VPS13A: variants seen among roughly 807,000 people sequenced by gnomAD.
VPS13A encodes the protein intermembrane lipid transfer protein VPS13A.
VPS13A carries 264 observed loss-of-function variants against 390.9 expected under a neutral mutation model. The ratio of observed to expected loss-of-function variants is 0.68; its 90% CI spans 0.61 to 0.75. VPS13A has a LOEUF of 0.75. VPS13A is among the 30% of genes least tolerant of loss of function. The pLI is 0.00. For missense variants in VPS13A, 3,409 were observed against 3,733.9 expected (o/e 0.91, Z 2.27); for synonymous variants, 1,231 against 1,227.1 (o/e 1.00, Z -0.07).
rs555662490 is a variant in VPS13A at position 77,254,769 on chromosome 9, A to G, written c.2288+2417A>G. ...TCTTAAGTTTATTCTTTGTGATGCT[A>G]TTGTAAATGAATTTAAAAATTTTGG... On this transcript the variant is annotated intron_variant, in intron 22 of 71. Transcript: ENST00000360280. Among the ~76,000 whole-genome samples, 6 of 152,260 alleles carry G rather than the reference A, an allele frequency of 3.9e-5. No homozygotes were observed. In the South Asian group the frequency reaches 1.0e-3, roughly 26 times the overall value.
rs1301117313 is a variant in VPS13A at position 77,382,002 on chromosome 9, G to T, written c.9104G>T (p.Ser3035Ile). The change falls in exon 68 of 72, where the codon AGT (serine) becomes ATT (isoleucine). Residue 3035 changes from serine to isoleucine, a missense_variant. Physicochemically the swap from Ser to Ile is moderately radical, Grantham distance 142. Transcript: ENST00000360280. Reference protein sequence around the residue: ...KRATETSEVESLRPPRFFNED... With the variant: ...KRATETSEVEILRPPRFFNED... Reference sequence around the variant, plus strand: ...GCTACAGAGACTTCTGAAGTGGAGAGTCTGCGACCTCCTCGGTTCTTCAAT... The same window carrying T: ...GCTACAGAGACTTCTGAAGTGGAGATTCTGCGACCTCCTCGGTTCTTCAAT... The T allele has an allele frequency of 6.2e-7, 1 of 1,606,844 alleles. No homozygotes were observed. Among genetic ancestry groups the T allele is most frequent in the Admixed American group, 1.7e-5 (1 of 59,646 alleles).
Position 77,275,546 on chromosome 9 carries a change from C to G in VPS13A, c.2561C>G (p.Pro854Arg). Reference protein sequence around the residue: ...FDAPCSPLEEPLQFPTGVKSI... With the variant: ...FDAPCSPLEERLQFPTGVKSI... The stretch of plus-strand genomic sequence containing the variant: ...GCACCATGTAGTCCCTTGGAAGAAC[C>G]TCTTCAGTTTCCAACTGGAGTTAAA... The change falls in exon 25 of 72, where the codon CCT becomes CGT. Residue 854 changes from proline (P) to arginine (R), a missense_variant. This residue lies in a region of VPS13A where 2,717 missense variants were observed against 2,917.4 expected (regional missense o/e 0.93). Coordinates refer to ENST00000360280, the MANE Select transcript of VPS13A (RefSeq NM_033305.3). 6.2e-7 allele frequency: 1 copy of G among 1,613,740 alleles called. No individual in the cohort carries two copies. The highest frequency in any genetic ancestry group is 8.5e-7 in the Non-Finnish European group (1 of 1,179,788).
At chr9:77,374,950 C>G (rs1371878633) in intron 67 of VPS13A, among the ~76,000 whole-genome samples, 1 of 151,988 alleles carries the variant, frequency 6.6e-6, no homozygotes, top group Admixed American at 6.6e-5. Flanking sequence ...CCTCTTAAGC[C>G]AGTATTTCAT....
intron 31 of VPS13A, among the ~76,000 whole-genome samples, chr9:77,284,555 A>G (rs1003764315): frequency 1.3e-5 from 2 of 152,180 alleles, no homozygotes; most frequent in Admixed American, 6.5e-5. Flanking sequence ...AAAAATCATA[A>G]GTATCAGAGT....
chr9:77,324,856 G>A (rs924181408), intron 45 of VPS13A, among the ~76,000 whole-genome samples: 11 of 151,626 alleles, frequency 7.3e-5, no homozygotes, highest in Non-Finnish European at 1.0e-4. Context: ...ATCTTGCTCC[G>A]CCTCTCATTG....
At chr9:77,315,544 T>G in intron 38 of VPS13A, 74 bp downstream of exon 38, 1 of 1,370,482 alleles carries the variant, frequency 7.3e-7, no homozygotes, top group Non-Finnish European at 1.0e-6. Flanking sequence ...TGATTAGCCT[T>G]TTAGATCATC....
chr9:77,284,181 G>T (rs1827202125), intron 31 of VPS13A, among the ~76,000 whole-genome samples: 1 of 152,080 alleles, frequency 6.6e-6, no homozygotes, highest in South Asian at 2.1e-4. Context: ...AAACAGTGAG[G>T]TTCCTGCTGC....
intron 45 of VPS13A, among the ~76,000 whole-genome samples, chr9:77,331,489 A>G (rs1483435478): frequency 6.6e-6 from 1 of 151,706 alleles, no homozygotes; most frequent in Non-Finnish European, 1.5e-5. Context: ...TCATCTGTTT[A>G]TTGGTCAGTT....
rs372070622 is a variant in VPS13A, at chr9:77,370,974, A to C, written c.8953+39A>C. On this transcript the variant is annotated intron_variant, in intron 66 of 71. Transcript: ENST00000360280. ...TTCCTTTGCAAGTCTTTCTAAGTTG[A>C]TTCTGTTTTCATTCTTGGATGCAAT... 39 of 1,614,114 alleles carry C rather than the reference A, an allele frequency of 2.4e-5. No homozygotes were observed. The African/African-American group carries it at 5.1e-4, about 21-fold the overall frequency.
intron 54 of VPS13A, among the ~76,000 whole-genome samples, chr9:77,355,916 A>T (rs1831750586): frequency 6.6e-6 from 1 of 152,184 alleles, no homozygotes; most frequent in Admixed American, 6.5e-5. Flanking sequence ...TACACTAACA[A>T]GTTTTCCTGC....
At chr9:77,226,788 C>T (rs1263002833) in intron 15 of VPS13A, among the ~76,000 whole-genome samples, 190 bp downstream of exon 15, 1 of 151,900 alleles carries the variant, frequency 6.6e-6, no homozygotes, top group Non-Finnish European at 1.5e-5. Flanking sequence ...ATTTAAAAAT[C>T]ATGCTAGTGC....
At chr9:77,190,789 G>A (rs762204273) in intron 1 of VPS13A, among the ~76,000 whole-genome samples, 9 of 152,142 alleles carry the variant, frequency 5.9e-5, no homozygotes, top group Admixed American at 2.6e-4. Context: ...TTTCTTCCAG[G>A]TTCAATCTTG....
chr9:77,360,714 T>A, intron 59 of VPS13A, 73 bp downstream of exon 59: 1 of 1,158,438 alleles, frequency 8.6e-7, no homozygotes, highest in Non-Finnish European at 1.3e-6. Flanking sequence ...TTAAAGGTAT[T>A]AAAATGACTT....
chr9:77,263,821 A>G (rs1825886712), intron 23 of VPS13A, among the ~76,000 whole-genome samples: 1 of 152,184 alleles, frequency 6.6e-6, no homozygotes, highest in South Asian at 2.1e-4. Context: ...GTCTTTGCCC[A>G]TTCCTGTATC....
chr9:77,191,719 A>G (rs538105587), intron 1 of VPS13A, among the ~76,000 whole-genome samples: 7 of 152,250 alleles, frequency 4.6e-5, no homozygotes, highest in Admixed American at 1.3e-4. Context: ...ATTGTTACCT[A>G]TTTTTATTGC....
chr9:77,359,207 A>G (rs1831991534), intron 57 of VPS13A, 126 bp from the exon 58 acceptor site: 1 of 801,980 alleles, frequency 1.2e-6, no homozygotes, highest in Non-Finnish European at 2.1e-6. Flanking sequence ...TGCCAATATC[A>G]GTAATTTTAA....
chr9:77,365,987 A>G (rs906243014), intron 60 of VPS13A, among the ~76,000 whole-genome samples: 1 of 152,146 alleles, frequency 6.6e-6, no homozygotes, highest in African/African-American at 2.4e-5. Context: ...GAAAATTACT[A>G]AACAACCATA....
chr9:77,198,303 C>G (rs1825120666), intron 1 of VPS13A, among the ~76,000 whole-genome samples: 1 of 152,096 alleles, frequency 6.6e-6, no homozygotes, highest in Non-Finnish European at 1.5e-5. Context: ...TCTGAGAAGT[C>G]TCTGATTTTA....
At chr9:77,249,655 A>G (rs1825040809) in intron 20 of VPS13A, among the ~76,000 whole-genome samples, 1 of 152,242 alleles carries the variant, frequency 6.6e-6, no homozygotes. Flanking sequence ...CTGGAGTTGC[A>G]TAAATGGCAG....
Sources: gnomAD v4.1 joint callset for allele counts (sites outside exome capture counted in the v4.1 genomes callset) on GRCh38, gnomAD v4.1.1 for gene constraint, gnomAD v4.1.1 regional missense constraint, MANE v1.5 for transcripts, NCBI Gene and HGNC (gene_info 2026-07-23, HGNC 2026-07-21) for gene names.